The following PGPEP1L variants were observed in gnomAD, a reference collection of about 807,000 sequenced individuals.
PGPEP1L encodes pyroglutamyl-peptidase 1-like protein.
In PGPEP1L, 7 loss-of-function variants were observed where a neutral mutation model predicts 6.0. The ratio of observed to expected loss-of-function variants is 1.17; its 90% confidence interval spans 0.66 to 2.19. The LOEUF is 2.19. PGPEP1L is among the 30% of genes most tolerant of loss of function. The pLI is 0.00. For synonymous variants in PGPEP1L, 103 were observed against 83.9 expected (o/e 1.23, Z -1.24); for missense variants, 209 against 192.5 (o/e 1.09, Z -0.51).
At position 98,968,338 on chromosome 15, in the gene PGPEP1L, T is replaced by G; in HGVS notation, c.*140A>C. 2 of 790,160 alleles carry G rather than the reference T, an allele frequency of 2.5e-6. No homozygotes were observed. Among genetic ancestry groups the G allele is most frequent in the Non-Finnish European group, 4.1e-6 (2 of 492,588 alleles). 48.9% of individuals were successfully genotyped at this position (790,160 alleles called of 1,614,324 possible). ...TTTCTCCTGACAATAAAATAACCCT[T>G]TGTGATTTTGTTGGGCTAATTCAGA... On this transcript the variant is annotated 3_prime_UTR_variant, in exon 5 of 5. Coordinates refer to ENST00000535714, the MANE Select transcript of PGPEP1L (RefSeq NM_001167902.2).
chr15:98,984,009 CTTTTTTT>C (rs71456904), intron 2 of PGPEP1L, among the ~76,000 whole-genome samples: 1 of 115,730 alleles, frequency 8.6e-6, no homozygotes, highest in Non-Finnish European at 1.7e-5. Context: ...AGTAAGTAGT[CTTTTTTT>C]TTTTTTTTTT....
intron 2 of PGPEP1L, among the ~76,000 whole-genome samples, chr15:98,996,321 G>C (rs1373369856): frequency 6.6e-6 from 1 of 152,192 alleles, no homozygotes; most frequent in Non-Finnish European, 1.5e-5. Flanking sequence ...GAGTCAGGGT[G>C]CTTGAGACCA....
intron 2 of PGPEP1L, among the ~76,000 whole-genome samples, chr15:98,992,221 T>C (rs2017829438): frequency 6.6e-6 from 1 of 152,194 alleles, no homozygotes; most frequent in South Asian, 2.1e-4. Flanking sequence ...GCCCAAAATC[T>C]CCTTAAGGTG....
At chr15:98,983,312 C>CATT (rs760621604) in intron 2 of PGPEP1L, among the ~76,000 whole-genome samples, 34 of 151,846 alleles carry the variant, frequency 2.2e-4, no homozygotes, top group East Asian at 5.8e-4. Flanking sequence ...GCTCTTTATT[C>CATT]ATTATTATTA....
intron 2 of PGPEP1L, among the ~76,000 whole-genome samples, chr15:99,004,159 T>A (rs1555473353): frequency 1.4e-5 from 2 of 147,590 alleles, no homozygotes. Context: ...TCCCTGCATT[T>A]TGGGAGGCCA....
Position 98,995,266 on chromosome 15 carries a change from ATCTG to A in PGPEP1L, c.-142+10159_-142+10162del, listed in dbSNP as rs199563175. ...CTGCTCTTTTGAGTAGTATCTTCAGATCTGTCTTCTAGTTCACTAATTTTCTCTT... is the reference window on the plus strand; with the variant it reads ...CTGCTCTTTTGAGTAGTATCTTCAGATCTTCTAGTTCACTAATTTTCTCTT... On this transcript the variant is annotated intron_variant, in intron 2 of 4. Coordinates refer to ENST00000535714, the MANE Select transcript of PGPEP1L (RefSeq NM_001167902.2). Among the ~76,000 whole-genome samples the A allele has an allele frequency of 1.4e-3, 217 of 152,176 alleles. 1 individual carries two copies. In the South Asian group the frequency reaches 0.021, roughly 15 times the overall value.
intron 2 of PGPEP1L, among the ~76,000 whole-genome samples, chr15:99,000,507 G>A (rs1194962877): frequency 4.6e-5 from 7 of 152,172 alleles, no homozygotes; most frequent in Non-Finnish European, 7.3e-5. Flanking sequence ...TCTAGCTAAG[G>A]GATTGTAAAT....
chr15:99,007,241 T>TA (rs1428520096), intron 1 of PGPEP1L, 118 bp downstream of exon 1: 1 of 122,884 alleles, frequency 8.1e-6, no homozygotes, highest in African/African-American at 3.2e-5. Context: ...TGCAGAGGAT[T>TA]TTTGTACTTT....
chr15:98,971,214 G>T, intron 2 of PGPEP1L, 56 bp from the exon 3 acceptor site: 1 of 492,088 alleles, frequency 2.0e-6, no homozygotes, highest in Non-Finnish European at 3.4e-6. Context: ...GGGGGGGTGG[G>T]CACCAAGAGT....
At chr15:98,968,772 A>G in intron 4 of PGPEP1L, 75 bp from the exon 5 acceptor site, 2 of 1,360,914 alleles carry the variant, frequency 1.5e-6, no homozygotes, top group Non-Finnish European at 2.0e-6. Flanking sequence ...AGAAGTGGCA[A>G]TGCAACACCC....
chr15:98,986,031 T>C (rs1055881239), intron 2 of PGPEP1L, among the ~76,000 whole-genome samples: 3 of 152,270 alleles, frequency 2.0e-5, no homozygotes, highest in Non-Finnish European at 4.4e-5. Context: ...CAGTGCAGCA[T>C]GCAGCTCTTC....
chr15:98,996,864 T>C (rs1231271647), intron 2 of PGPEP1L, among the ~76,000 whole-genome samples: 2 of 152,152 alleles, frequency 1.3e-5, no homozygotes, highest in African/African-American at 4.8e-5. Flanking sequence ...CTTTTAGTAA[T>C]AGAAGAATTA....
intron 2 of PGPEP1L, among the ~76,000 whole-genome samples, chr15:98,984,081 G>A (rs767413458): frequency 8.5e-5 from 12 of 141,754 alleles, no homozygotes; most frequent in Non-Finnish European, 1.8e-4. Flanking sequence ...CAGTGGCGCA[G>A]CTCACTGCAA....
chr15:98,996,894 T>G (rs1172186088), intron 2 of PGPEP1L, among the ~76,000 whole-genome samples: 1 of 152,166 alleles, frequency 6.6e-6, no homozygotes, highest in Non-Finnish European at 1.5e-5. Context: ...GCACTGGCAA[T>G]ATGCCCCACC....
chr15:99,000,085 G>T (rs868956474), intron 2 of PGPEP1L, among the ~76,000 whole-genome samples: 2 of 152,244 alleles, frequency 1.3e-5, no homozygotes, highest in African/African-American at 4.8e-5. Context: ...TGCGTGCAGT[G>T]CTTGCGGGCC....
chr15:99,005,090 CG>C (rs1567245720), intron 2 of PGPEP1L, among the ~76,000 whole-genome samples: 3 of 152,068 alleles, frequency 2.0e-5, no homozygotes, highest in Non-Finnish European at 4.4e-5. Context: ...TCACGTGCCT[CG>C]GGCCCCACTC....
At position 98,969,610 on chromosome 15, in the gene PGPEP1L, G is replaced by A; in HGVS notation, c.24C>T (p.Ile8=). ...GGTTCTTGCCAGACTGTTCCAGAAT[G>A]ATCGCCTTGGCGGCGGTGTCCATGC... is the stretch of plus-strand genomic sequence containing the variant. The part of the protein sequence containing the change: MDTAAKA[I]ILEQSGKNQG... The change falls in exon 4 of 5, where the codon ATC becomes ATT. Residue 8 remains isoleucine, a synonymous_variant. Transcript: ENST00000535714. The A allele has an allele frequency of 6.2e-7, 1 of 1,613,368 alleles. No homozygotes were observed. The highest frequency in any genetic ancestry group is 8.5e-7 in the Non-Finnish European group (1 of 1,179,898).
rs1174834431 is a variant in PGPEP1L at position 99,005,489 on chromosome 15, GC to G, written c.-203del. The G allele has an allele frequency of 1.3e-5, 2 of 152,496 alleles. No individual in the cohort carries two copies. The highest frequency in any genetic ancestry group is 4.8e-5 in the African/African-American group (2 of 41,476). The allele number at this position is 152,496 out of a possible 1,614,324, so 9.4% of individuals were successfully genotyped here. ...AAGACGAAGTGGGAGCTCGCGCTGCGCCTCCCTGGCTCAGGCAGCGGCCCAG... is the reference window on the plus strand; with the variant it reads ...AAGACGAAGTGGGAGCTCGCGCTGCGCTCCCTGGCTCAGGCAGCGGCCCAG... On this transcript the variant is annotated 5_prime_UTR_variant, in exon 2 of 5. It introduces an in-frame stop codon into an upstream open reading frame of the 5' UTR. Transcript: ENST00000535714.
chr15:99,000,930 C>A (rs1469943592), intron 2 of PGPEP1L, among the ~76,000 whole-genome samples: 2 of 152,174 alleles, frequency 1.3e-5, no homozygotes, highest in African/African-American at 4.8e-5. Context: ...TGGGTCCACA[C>A]TGCCTTTATG....
Sources: allele counts gnomAD v4.1 joint callset (sites outside exome capture counted in the v4.1 genomes callset), GRCh38; gene constraint gnomAD v4.1.1; transcripts MANE v1.5; gene names NCBI Gene and HGNC (gene_info 2026-07-23, HGNC 2026-07-21).